The following AKAP6 variants were observed in gnomAD, a reference collection of about 807,000 sequenced individuals.
The protein encoded by AKAP6 is A-kinase anchor protein 6.
AKAP6 carries 58 observed loss-of-function variants against 188.5 expected under a neutral mutation model. The observed-to-expected ratio is 0.31, with a 90% CI of 0.25 to 0.38. The LOEUF is 0.38. Ranked by LOEUF, AKAP6 falls within the 10% of genes least tolerant of loss-of-function variation. The pLI is 1.00. For missense variants in AKAP6, 2,710 were observed against 2,740.0 expected (o/e 0.99, Z 0.24); for synonymous variants, 989 against 998.6 (o/e 0.99, Z 0.18).
chr14:32,348,958 G>A (rs1417346543), intron 1 of AKAP6, among the ~76,000 whole-genome samples: 1 of 152,146 alleles, frequency 6.6e-6, no homozygotes, highest in African/African-American at 2.4e-5. Context: ...CCTATACCGT[G>A]GGATTCCCGG....
intron 4 of AKAP6, among the ~76,000 whole-genome samples, chr14:32,573,796 A>G (rs1437096427): frequency 6.6e-6 from 1 of 152,100 alleles, no homozygotes; most frequent in African/African-American, 2.4e-5. Flanking sequence ...ATGCCAGCAG[A>G]GCTTCTGAAA....
intron 11 of AKAP6, among the ~76,000 whole-genome samples, chr14:32,765,629 G>A (rs1430389391): frequency 6.7e-6 from 1 of 149,534 alleles, no homozygotes; most frequent in Non-Finnish European, 1.5e-5. Flanking sequence ...TCTGTTGGCA[G>A]AAATACATAG....
chr14:32,685,937 G>A (rs1889907091), intron 8 of AKAP6, among the ~76,000 whole-genome samples: 1 of 152,076 alleles, frequency 6.6e-6, no homozygotes, highest in South Asian at 2.1e-4. Flanking sequence ...CCACTGCTGG[G>A]CATATACTCC....
At chr14:32,789,152 C>T (rs1051509438) in intron 12 of AKAP6, among the ~76,000 whole-genome samples, 1 of 152,120 alleles carries the variant, frequency 6.6e-6, no homozygotes, top group African/African-American at 2.4e-5. Context: ...CATTCCTCCT[C>T]ACAGGGTGGG....
chr14:32,671,804 G>C (rs1322861655), intron 7 of AKAP6, among the ~76,000 whole-genome samples: 1 of 152,252 alleles, frequency 6.6e-6, no homozygotes, highest in South Asian at 2.1e-4. Flanking sequence ...TATGAGTTAA[G>C]AAAAAGTAAA....
chr14:32,711,578 C>CTCAT (rs1891054638), intron 9 of AKAP6, among the ~76,000 whole-genome samples: 1 of 152,070 alleles, frequency 6.6e-6, no homozygotes, highest in Non-Finnish European at 1.5e-5. Flanking sequence ...CAGTCCCACT[C>CTCAT]TCATAGGTAT....
chr14:32,589,861 C>G (rs910842), intron 5 of AKAP6, among the ~76,000 whole-genome samples: 26,612 of 152,094 alleles, frequency 0.17, 3,974 homozygotes, highest in African/African-American at 0.4. Context: ...CACTATGAGG[C>G]TCCATGCACA....
chr14:32,597,958 C>T (rs1337527475), intron 5 of AKAP6, among the ~76,000 whole-genome samples: 3 of 148,816 alleles, frequency 2.0e-5, no homozygotes, highest in Non-Finnish European at 4.4e-5. Context: ...CCACTGACCA[C>T]CCAGGATGAC....
intron 1 of AKAP6, among the ~76,000 whole-genome samples, chr14:32,416,558 C>A (rs542712604): frequency 6.6e-6 from 1 of 151,942 alleles, no homozygotes; most frequent in Admixed American, 6.6e-5. Flanking sequence ...TCTATTTATT[C>A]TTTTTCCTTT....
chr14:32,522,540 A>C (rs920189377), intron 2 of AKAP6, among the ~76,000 whole-genome samples: 1 of 152,246 alleles, frequency 6.6e-6, no homozygotes, highest in Non-Finnish European at 1.5e-5. Context: ...ATATGAACAG[A>C]CACTTTTCAA....
intron 2 of AKAP6, among the ~76,000 whole-genome samples, chr14:32,459,405 G>A (rs1340420719): frequency 6.6e-6 from 1 of 151,918 alleles, no homozygotes; most frequent in Non-Finnish European, 1.5e-5. Flanking sequence ...AAATAATAAA[G>A]GGATAAGGTT....
chr14:32,534,980 AAAAC>A (rs1305746682), intron 2 of AKAP6, among the ~76,000 whole-genome samples: 24 of 142,676 alleles, frequency 1.7e-4, no homozygotes, highest in Non-Finnish European at 3.3e-4. Context: ...AAAAAAAACA[AAAAC>A]AAACCAAAAA....
chr14:32,732,657 G>A (rs2031234764), intron 10 of AKAP6, 57 bp downstream of exon 10: 1 of 1,577,458 alleles, frequency 6.3e-7, no homozygotes, highest in South Asian at 1.1e-5. Flanking sequence ...GCGTAGTGAA[G>A]TACTCTGTCC....
At chr14:32,439,342 A>G (rs10130628) in intron 2 of AKAP6, among the ~76,000 whole-genome samples, 59,743 of 152,076 alleles carry the variant, frequency 0.39, 17,180 homozygotes, top group African/African-American at 0.82. Flanking sequence ...TGGGGCTCCT[A>G]GGAGAGGATT....
intron 1 of AKAP6, among the ~76,000 whole-genome samples, chr14:32,376,999 GGTTTT>G: frequency 6.6e-6 from 1 of 152,274 alleles, no homozygotes; most frequent in South Asian, 2.1e-4. Context: ...CCAGCCTGCA[GGTTTT>G]GTTTTCATTT....
chr14:32,355,781 CTT>C (rs56318246), intron 1 of AKAP6, among the ~76,000 whole-genome samples: 1 of 146,572 alleles, frequency 6.8e-6, no homozygotes. Context: ...CTTTTCTTTT[CTT>C]TTTTTTTTTG....
chr14:32,482,367 TTTGAGCTTTTGCAC>T (rs147611972), intron 2 of AKAP6, among the ~76,000 whole-genome samples: 1,618 of 152,276 alleles, frequency 0.011, 29 homozygotes, highest in African/African-American at 0.038. Flanking sequence ...TAGTCATACT[TTTGAGCTTTTGCAC>T]TTGCTCTTCT....
At position 32,678,368 on chromosome 14, in the gene AKAP6, C is replaced by T. The variant is rs754470885; in HGVS notation, c.2788C>T (p.Leu930Phe). 6.2e-7 allele frequency: 1 copy of T among 1,613,756 alleles called. No homozygotes were observed. The highest frequency in any genetic ancestry group is 1.7e-5 in the Admixed American group (1 of 59,992). ...AQRDAVEQMS[L>F]KLYSEQYTSS... ...AAGAGATGCTGTTGAGCAGATGTCCCTCAAGCTGTACAGCGAGCAGTATAC... is the reference window on the plus strand; with the variant it reads ...AAGAGATGCTGTTGAGCAGATGTCCTTCAAGCTGTACAGCGAGCAGTATAC... The change falls in exon 8 of 14, where the codon CTC becomes TTC. Residue 930 changes from leucine (L) to phenylalanine (F), a missense_variant. Coordinates refer to ENST00000280979, the MANE Select transcript of AKAP6 (RefSeq NM_004274.5).
At chr14:32,804,769 C>G (rs928088137) in intron 12 of AKAP6, among the ~76,000 whole-genome samples, 17 of 151,890 alleles carry the variant, frequency 1.1e-4, no homozygotes, top group Non-Finnish European at 4.4e-5. Flanking sequence ...AAGACAGACA[C>G]TCCCAGAGCA....
Sources: gnomAD v4.1 joint callset for allele counts (sites outside exome capture counted in the v4.1 genomes callset) on GRCh38, gnomAD v4.1.1 for gene constraint, MANE v1.5 for transcripts, NCBI Gene and HGNC (gene_info 2026-07-23, HGNC 2026-07-21) for gene names.